Variants in EDIL3 observed in about 807,000 individuals in gnomAD.
EDIL3 encodes EGF like and discoidin domains 3.
A neutral mutation model predicts 67.4 loss-of-function variants in EDIL3; 37 were observed. That is an observed-to-expected ratio of 0.55 (90% CI 0.42 to 0.72). The LOEUF is 0.72. Among genes scored for constraint, EDIL3 ranks in the 30% least tolerant of loss-of-function variants. The probability of loss-of-function intolerance (pLI) is 0.00; values close to 1 mark genes in which losing one functional copy is unlikely to be tolerated. For synonymous variants in EDIL3, 195 were observed against 196.3 expected (o/e 0.99, Z 0.05); for missense variants, 527 against 586.3 (o/e 0.90, Z 1.04).
At chr5:84,281,486 C>T (rs1745701898) in intron 1 of EDIL3, among the ~76,000 whole-genome samples, 2 of 152,314 alleles carry the variant, frequency 1.3e-5, no homozygotes, top group South Asian at 4.1e-4. Context: ...ATCCTAATGC[C>T]ATAATCCACA....
intron 1 of EDIL3, among the ~76,000 whole-genome samples, chr5:84,324,352 T>A (rs1314411287): frequency 2.0e-5 from 3 of 151,924 alleles, no homozygotes; most frequent in Admixed American, 1.3e-4. Context: ...AATGGAAATT[T>A]AAAAATACTT....
chr5:84,348,991 G>A (rs1242963856), intron 1 of EDIL3, among the ~76,000 whole-genome samples: 1 of 152,036 alleles, frequency 6.6e-6, no homozygotes, highest in Non-Finnish European at 1.5e-5. Context: ...ATACCTAACA[G>A]CACTAGTCCA....
intron 10 of EDIL3, among the ~76,000 whole-genome samples, chr5:83,945,573 C>T (rs558019681): frequency 6.6e-6 from 1 of 151,900 alleles, no homozygotes; most frequent in Non-Finnish European, 1.5e-5. Flanking sequence ...ACAATTTTCT[C>T]TTAAGTGTCT....
At chr5:84,178,988 T>C (rs1031464361) in intron 4 of EDIL3, among the ~76,000 whole-genome samples, 14 of 152,330 alleles carry the variant, frequency 9.2e-5, no homozygotes, top group Middle Eastern at 3.4e-3. Flanking sequence ...ATATTTTATA[T>C]ATTGTTTGAA....
chr5:84,384,683 G>C lies in EDIL3; in HGVS notation c.-309C>G, dbSNP rs1020730053. Reference sequence around the variant, plus strand: ...GCAGAGGCGCGGCGGGCGGGGCGCGGGCTCCCGCGGCCGCCCCGGGTCTGC... The same window carrying C: ...GCAGAGGCGCGGCGGGCGGGGCGCGCGCTCCCGCGGCCGCCCCGGGTCTGC... On this transcript the variant is annotated 5_prime_UTR_variant, in exon 1 of 11. Transcript: ENST00000296591. 15 of 181,566 alleles carry C rather than the reference G, an allele frequency of 8.3e-5. No individual in the cohort carries two copies. Among genetic ancestry groups the C allele is most frequent in the African/African-American group, 3.3e-4 (14 of 42,352 alleles). The allele number at this position is 181,566 out of a possible 1,614,324, so 11.2% of individuals were successfully genotyped here.
intron 1 of EDIL3, among the ~76,000 whole-genome samples, chr5:84,328,219 T>C (rs900787131): frequency 6.6e-6 from 1 of 152,082 alleles, no homozygotes; most frequent in Non-Finnish European, 1.5e-5. Flanking sequence ...TCCTATTCTA[T>C]ATAACTAGAT....
At chr5:84,145,691 G>C (rs1319554450) in intron 4 of EDIL3, among the ~76,000 whole-genome samples, 1 of 152,022 alleles carries the variant, frequency 6.6e-6, no homozygotes, top group South Asian at 2.1e-4. Flanking sequence ...TACTTAGCTT[G>C]GTTCGAAATG....
rs191281972 is a variant in EDIL3, at chr5:84,290,801, C to T, written c.68-36589G>A. Among the ~76,000 whole-genome samples, 280 of 152,238 alleles carry T rather than the reference C, an allele frequency of 1.8e-3. 1 individual carries two copies. Among genetic ancestry groups the T allele is most frequent in the African/African-American group, 6.3e-3 (260 of 41,552 alleles). ...TTTCTAGGTGCATGTAAAATAAACT[C>T]TACGATTTTCTCCTATTAATCTGCC... is the stretch of plus-strand genomic sequence containing the variant. On this transcript the variant is annotated intron_variant, in intron 1 of 10. Transcript: ENST00000296591.
At chr5:84,234,669 T>C (rs549479565) in intron 2 of EDIL3, among the ~76,000 whole-genome samples, 51 of 152,306 alleles carry the variant, frequency 3.3e-4, no homozygotes, top group African/African-American at 1.1e-3. Context: ...GAAAATCTCA[T>C]TATGAAATAT....
chr5:84,042,631 G>T (rs186102993), intron 9 of EDIL3, among the ~76,000 whole-genome samples: 27 of 152,130 alleles, frequency 1.8e-4, no homozygotes, highest in African/African-American at 5.3e-4. Context: ...AAGTAAACAG[G>T]CACACCCCTG....
At chr5:84,309,153 T>C (rs1746329443) in intron 1 of EDIL3, among the ~76,000 whole-genome samples, 2 of 152,154 alleles carry the variant, frequency 1.3e-5, no homozygotes. Flanking sequence ...TGAAGATTAG[T>C]ATCTCATGAC....
At chr5:83,966,559 G>T (rs577663762) in intron 9 of EDIL3, among the ~76,000 whole-genome samples, 1 of 152,148 alleles carries the variant, frequency 6.6e-6, no homozygotes, top group East Asian at 1.9e-4. Context: ...TTGATGCTAA[G>T]AGTCAGCCTA....
chr5:84,332,058 C>T (rs955422661), intron 1 of EDIL3, among the ~76,000 whole-genome samples: 1 of 152,130 alleles, frequency 6.6e-6, no homozygotes, highest in Non-Finnish European at 1.5e-5. Flanking sequence ...TGAAATCTAA[C>T]ATCAGACTCA....
intron 3 of EDIL3, among the ~76,000 whole-genome samples, chr5:84,225,825 A>G (rs2112404958): frequency 6.6e-6 from 1 of 151,730 alleles, no homozygotes; most frequent in South Asian, 2.1e-4. Flanking sequence ...AAATAGTATG[A>G]GTGGTAATAT....
chr5:84,185,498 TG>T (rs1196346177), intron 3 of EDIL3, among the ~76,000 whole-genome samples: 7 of 152,270 alleles, frequency 4.6e-5, no homozygotes, highest in African/African-American at 1.7e-4. Flanking sequence ...AAATTCTGTG[TG>T]GGAAGACTTA....
At chr5:84,140,225 T>G (rs142700103) in intron 4 of EDIL3, among the ~76,000 whole-genome samples, 1 of 152,286 alleles carries the variant, frequency 6.6e-6, no homozygotes, top group East Asian at 1.9e-4. Context: ...TTAAGTCTCA[T>G]GTAAGAGGCT....
chr5:84,264,964 T>C (rs1457729143), intron 1 of EDIL3, among the ~76,000 whole-genome samples: 5 of 152,190 alleles, frequency 3.3e-5, no homozygotes, highest in Non-Finnish European at 7.3e-5. Flanking sequence ...GTAAATCTGG[T>C]CAGTCACATA....
At chr5:84,228,844 C>A (rs1744502819) in intron 3 of EDIL3, among the ~76,000 whole-genome samples, 1 of 152,094 alleles carries the variant, frequency 6.6e-6, no homozygotes. Context: ...ATGAATTGAA[C>A]TGACCCTATC....
At chr5:84,364,494 A>G (rs1039415324) in intron 1 of EDIL3, among the ~76,000 whole-genome samples, 1 of 152,140 alleles carries the variant, frequency 6.6e-6, no homozygotes, top group Non-Finnish European at 1.5e-5. Context: ...CCAGATCTCC[A>G]TGATCTTCAT....
Sources: allele counts gnomAD v4.1 joint callset (sites outside exome capture counted in the v4.1 genomes callset), GRCh38; gene constraint gnomAD v4.1.1; transcripts MANE v1.5; gene names NCBI Gene and HGNC (gene_info 2026-07-23, HGNC 2026-07-21).